Variants in ZNF536 observed in about 807,000 individuals in gnomAD.
ZNF536 encodes the protein zinc finger protein 536.
A neutral mutation model predicts 84.5 loss-of-function variants in ZNF536; 13 were observed. The ratio of observed to expected loss-of-function variants is 0.15; its 90% CI spans 0.10 to 0.24. The LOEUF (loss-of-function observed/expected upper bound fraction) is 0.24. ZNF536 is among the 10% of genes least tolerant of loss of function. ZNF536 has a pLI of 1.00. For synonymous variants in ZNF536, 811 were observed against 742.5 expected (o/e 1.09, Z -1.50); for missense variants, 1,536 against 1,747.5 (o/e 0.88, Z 2.16).
intron 1 of ZNF536, among the ~76,000 whole-genome samples, chr19:30,418,710 G>A (rs539195776): frequency 6.6e-6 from 1 of 152,236 alleles, no homozygotes; most frequent in African/African-American, 2.4e-5. Context: ...CGTCTCAAGA[G>A]GTACCCATTT....
intron 1 of ZNF536, among the ~76,000 whole-genome samples, chr19:30,280,160 C>G (rs910493715): frequency 6.6e-6 from 1 of 152,066 alleles, no homozygotes; most frequent in Non-Finnish European, 1.5e-5. Context: ...TCCGCCTCAC[C>G]TCCATCCTTC....
At chr19:30,537,221 C>T (rs988094746) in intron 3 of ZNF536, among the ~76,000 whole-genome samples, 1 of 152,204 alleles carries the variant, frequency 6.6e-6, no homozygotes, top group African/African-American at 2.4e-5. Context: ...TGACCAGGCT[C>T]GAAGGCAGTC....
At chr19:30,429,233 C>T (rs934234095) in intron 1 of ZNF536, among the ~76,000 whole-genome samples, 1 of 152,152 alleles carries the variant, frequency 6.6e-6, no homozygotes, top group Admixed American at 6.5e-5. Context: ...ACTTCCTGAG[C>T]ACACCTGCTA....
At chr19:30,411,191 A>G (rs572302161) in intron 1 of ZNF536, among the ~76,000 whole-genome samples, 1 of 152,242 alleles carries the variant, frequency 6.6e-6, no homozygotes, top group Admixed American at 6.5e-5. Context: ...CGGTATGCAC[A>G]TTTAAAATTT....
intron 1 of ZNF536, among the ~76,000 whole-genome samples, chr19:30,649,916 A>G (rs993549495): frequency 1.6e-4 from 24 of 152,354 alleles, no homozygotes; most frequent in African/African-American, 5.5e-4. Flanking sequence ...TAACTAAAAA[A>G]AAAAACTAAG....
At chr19:30,492,916 G>A (rs373036020) in intron 2 of ZNF536, among the ~76,000 whole-genome samples, 17 of 152,044 alleles carry the variant, frequency 1.1e-4, no homozygotes, top group African/African-American at 3.9e-4. Flanking sequence ...TATCGCCAAC[G>A]CCATAATGCC....
At chr19:30,446,385 G>T (rs142591255) in intron 2 of ZNF536, among the ~76,000 whole-genome samples, 2 of 150,782 alleles carry the variant, frequency 1.3e-5, no homozygotes, top group Non-Finnish European at 2.9e-5. Flanking sequence ...CCATTTCACC[G>T]CCTGACGCTG....
chr19:30,351,347 C>A (rs972266867), intron 2 of ZNF536, among the ~76,000 whole-genome samples: 2 of 152,142 alleles, frequency 1.3e-5, no homozygotes, highest in African/African-American at 4.8e-5. Flanking sequence ...TCAAAGAATG[C>A]ACTTTTTGGA....
intron 1 of ZNF536, among the ~76,000 whole-genome samples, chr19:30,632,903 A>T (rs1036143301): frequency 1.3e-5 from 2 of 152,230 alleles, no homozygotes; most frequent in Non-Finnish European, 2.9e-5. Context: ...GATCTGGAAG[A>T]TTGAATTCAT....
chr19:30,462,436 G>A (rs1181059445), intron 2 of ZNF536, among the ~76,000 whole-genome samples: 2 of 152,050 alleles, frequency 1.3e-5, no homozygotes, highest in African/African-American at 2.4e-5. Flanking sequence ...AATTTTTCAG[G>A]TGTAGGTAGC....
At chr19:30,314,066 C>T (rs1476909232) in intron 2 of ZNF536, among the ~76,000 whole-genome samples, 2 of 152,208 alleles carry the variant, frequency 1.3e-5, no homozygotes, top group Non-Finnish European at 2.9e-5. Flanking sequence ...GGTGGCCCTG[C>T]ATGGCTGGTG....
At chr19:30,370,317 G>A (rs935119986), upstream of ZNF536, among the ~76,000 whole-genome samples, 1 of 152,082 alleles carries the variant, frequency 6.6e-6, no homozygotes, top group African/African-American at 2.4e-5. Flanking sequence ...GGGGTATTAC[G>A]TATTTCCCCA....
intron 2 of ZNF536, among the ~76,000 whole-genome samples, chr19:30,341,928 CCT>C (rs2047577741): frequency 6.6e-6 from 1 of 152,138 alleles, no homozygotes; most frequent in African/African-American, 2.4e-5. Context: ...TAAAAATAAA[CCT>C]CACTTTTAAG....
rs192979912 is a variant in ZNF536, at chr19:30,606,822, G to A, written c.169+57308G>A. Among the ~76,000 whole-genome samples, 9 of 152,238 alleles carry A rather than the reference G, an allele frequency of 5.9e-5. 1 individual carries two copies. The South Asian group carries it at 1.5e-3, about 25-fold the overall frequency. On this transcript the variant is annotated intron_variant, in intron 1 of 1. Coordinates refer to the ZNF536 transcript ENST00000592773. Reference sequence around the variant, plus strand: ...GTTGCAGCTCAGCTTCCTCCTGTACGTAAAGAGGGCTACATCATGACCTCC... The same window carrying A: ...GTTGCAGCTCAGCTTCCTCCTGTACATAAAGAGGGCTACATCATGACCTCC...
At chr19:30,689,642 C>T (rs2051330292) in intron 1 of ZNF536, among the ~76,000 whole-genome samples, 1 of 152,166 alleles carries the variant, frequency 6.6e-6, no homozygotes, top group African/African-American at 2.4e-5. Context: ...GACATGGATG[C>T]ACTTGTCATG....
chr19:30,442,494 G>A (rs2052099509), intron 1 of ZNF536, among the ~76,000 whole-genome samples: 1 of 152,152 alleles, frequency 6.6e-6, no homozygotes, highest in Non-Finnish European at 1.5e-5. Flanking sequence ...CATCATTCCT[G>A]GATTTTAATG....
At chr19:30,477,601 AC>A (rs1442474582) in intron 2 of ZNF536, among the ~76,000 whole-genome samples, 2 of 152,126 alleles carry the variant, frequency 1.3e-5, no homozygotes, top group Non-Finnish European at 2.9e-5. Flanking sequence ...TTTTTAGACA[AC>A]CCAGTAATTT....
At chr19:30,255,318 C>T (rs1325687015) in intron 1 of ZNF536, among the ~76,000 whole-genome samples, 2 of 152,092 alleles carry the variant, frequency 1.3e-5, no homozygotes, top group Non-Finnish European at 2.9e-5. Context: ...TAAAACCTGA[C>T]AAGGAATATT....
At chr19:30,260,830 T>C (rs1242628433) in intron 1 of ZNF536, among the ~76,000 whole-genome samples, 2 of 152,104 alleles carry the variant, frequency 1.3e-5, no homozygotes, top group Non-Finnish European at 2.9e-5. Context: ...CCAAGCCCAG[T>C]CCTGCTCCTA....
Sources: gnomAD v4.1 joint callset for allele counts (sites outside exome capture counted in the v4.1 genomes callset) on GRCh38, gnomAD v4.1.1 for gene constraint, MANE v1.5 for transcripts, NCBI Gene and HGNC (gene_info 2026-07-23, HGNC 2026-07-21) for gene names.